Variants in DPP6 observed in about 807,000 individuals in gnomAD.
DPP6 encodes A-type potassium channel modulatory protein DPP6.
Under a neutral mutation model 122.6 loss-of-function variants are expected in DPP6, and 69 were observed. That is an observed-to-expected ratio of 0.56 (90% CI 0.46 to 0.69). The LOEUF (loss-of-function observed/expected upper bound fraction) is 0.69, where lower values mean the gene tolerates loss of function less well. DPP6 is among the 30% of genes least tolerant of loss of function. The pLI, the probability that DPP6 is intolerant of heterozygous loss-of-function variation, is 0.00. For missense variants in DPP6, 928 were observed against 1,116.9 expected, an observed-to-expected ratio of 0.83 and a Z score of 2.41; for synonymous variants, 418 against 433.1, an observed-to-expected ratio of 0.97 and a Z score of 0.43.
chr7:154,832,299 G>A (rs918850195), intron 16 of DPP6, among the ~76,000 whole-genome samples: 2 of 152,164 alleles, frequency 1.3e-5, no homozygotes, highest in Admixed American at 1.3e-4. Context: ...ATGCTCTGGG[G>A]CCTGGAGGAC....
chr7:154,334,020 C>T (rs931034758), intron 1 of DPP6, among the ~76,000 whole-genome samples: 2 of 152,062 alleles, frequency 1.3e-5, no homozygotes, highest in East Asian at 3.8e-4. Flanking sequence ...AGTATAAATA[C>T]AAAATAATTT....
chr7:154,680,694 T>TAA (rs111811314), intron 7 of DPP6, among the ~76,000 whole-genome samples: 31,038 of 149,406 alleles, frequency 0.21, 3,860 homozygotes, highest in Non-Finnish European at 0.28. Flanking sequence ...ATATTTTTTT[T>TAA]AAAAAAAAAT....
chr7:154,232,387 T>C (rs1290655018), intron 1 of DPP6, among the ~76,000 whole-genome samples: 2 of 152,158 alleles, frequency 1.3e-5, no homozygotes, highest in African/African-American at 4.8e-5. Flanking sequence ...CATCTACTGA[T>C]AGCAAAATCC....
chr7:154,881,357 G>T (rs904775431), intron 21 of DPP6, among the ~76,000 whole-genome samples: 1 of 152,158 alleles, frequency 6.6e-6, no homozygotes, highest in Non-Finnish European at 1.5e-5. Context: ...GGGGAGGGTC[G>T]CGCAGTGAAC....
the DPP6 span, among the ~76,000 whole-genome samples, chr7:153,811,324 T>C: frequency 1.3e-5 from 2 of 152,156 alleles, no homozygotes; most frequent in African/African-American, 4.8e-5. Flanking sequence ...AAAATACAAG[T>C]TGCTCTGGAA....
intron 8 of DPP6, among the ~76,000 whole-genome samples, chr7:154,748,096 C>T (rs1843120817): frequency 6.6e-6 from 1 of 152,326 alleles, no homozygotes; most frequent in South Asian, 2.1e-4. Flanking sequence ...CACCTGAACT[C>T]CTCCCGCTTC....
intron 5 of DPP6, among the ~76,000 whole-genome samples, chr7:154,572,248 A>G (rs1327197650): frequency 2.0e-5 from 3 of 152,186 alleles, no homozygotes; most frequent in Non-Finnish European, 4.4e-5. Flanking sequence ...AAGCTTGAAG[A>G]ACACCCTGAT....
At chr7:154,342,248 C>T (rs531835204) in intron 1 of DPP6, among the ~76,000 whole-genome samples, 15 of 152,236 alleles carry the variant, frequency 9.9e-5, no homozygotes, top group African/African-American at 3.4e-4. Context: ...GATATCTGAT[C>T]GTGTGGGCAC....
At position 154,235,856 on chromosome 7, in the gene DPP6, T is replaced by TTA. The variant is rs138341832; in HGVS notation, c.243+182795_243+182796dup. Reference sequence around the variant, plus strand: ...CTCAGTTTTCTTATCTTTATTTTATTTATTTATTTATTTTGAGACAAAGTC... The same window carrying TTA: ...CTCAGTTTTCTTATCTTTATTTTATTTATATTTATTTATTTTGAGACAAAGTC... On this transcript the variant is annotated intron_variant, in intron 1 of 25. Coordinates refer to ENST00000377770, the MANE Select transcript of DPP6 (RefSeq NM_130797.4). Among the ~76,000 whole-genome samples, 1,123 of 152,278 alleles carry TTA rather than the reference T, an allele frequency of 7.4e-3. 16 individuals are homozygous for TTA. Among genetic ancestry groups the TTA allele is most frequent in the African/African-American group, 0.026 (1,061 of 41,544 alleles).
At chr7:153,760,457 G>T in the DPP6 span, among the ~76,000 whole-genome samples, 1 of 152,112 alleles carries the variant, frequency 6.6e-6, no homozygotes, top group Non-Finnish European at 1.5e-5. Flanking sequence ...TTGATTGGAT[G>T]CCAGATATTG....
chr7:154,523,718 T>G (rs1827182274), intron 3 of DPP6, among the ~76,000 whole-genome samples: 1 of 152,206 alleles, frequency 6.6e-6, no homozygotes, highest in Non-Finnish European at 1.5e-5. Flanking sequence ...AGTTGTATTG[T>G]AGGCCCTCCT....
At chr7:153,907,728 G>A (rs1799907858) in intron 1 of DPP6, among the ~76,000 whole-genome samples, 1 of 152,216 alleles carries the variant, frequency 6.6e-6, no homozygotes, top group Non-Finnish European at 1.5e-5. Context: ...GACTTGAACT[G>A]CAGCATTGAC....
At position 154,715,581 on chromosome 7, in the gene DPP6, C is replaced by T. The variant is rs1159314400; in HGVS notation, c.763-12186C>T. Among the ~76,000 whole-genome samples, 10 of 152,256 alleles carry T rather than the reference C, an allele frequency of 6.6e-5. No individual in the cohort carries two copies. In the East Asian group the frequency reaches 1.9e-3, roughly 29 times the overall value. On this transcript the variant is annotated intron_variant, in intron 7 of 25. Transcript: ENST00000377770. ...TGAGACAATTTTCGACTGCAGTAGCCCAAATGGTACCCTGCAGCCGTCAAA... is the reference window on the plus strand; with the variant it reads ...TGAGACAATTTTCGACTGCAGTAGCTCAAATGGTACCCTGCAGCCGTCAAA...
At chr7:154,670,005 G>A (rs35955282) in intron 7 of DPP6, among the ~76,000 whole-genome samples, 40,694 of 152,004 alleles carry the variant, frequency 0.27, 5,818 homozygotes, top group African/African-American at 0.29. Context: ...GATCACAGGC[G>A]TACTCCACCA....
the DPP6 span, among the ~76,000 whole-genome samples, chr7:153,807,407 T>TCAAA: frequency 1.1e-3 from 160 of 148,670 alleles, no homozygotes; most frequent in Non-Finnish European, 1.9e-3. Context: ...AGACTCCATC[T>TCAAA]CAAACAAACA....
In DPP6 at chr7:154,880,723, A is replaced by C. The variant is rs1207165704; in HGVS notation, c.2079-165A>C. On this transcript the variant is annotated intron_variant, in intron 20 of 25. Transcript: ENST00000377770. ...CGTGAACATGCTGACTTGGCACTAA[A>C]TAAATAAAAGCAATAAATAATTATA... 2.6e-5 allele frequency among the ~76,000 whole-genome samples: 4 copies of C among 152,236 alleles called. No individual in the cohort carries two copies. In the East Asian group the frequency reaches 7.7e-4, roughly 29 times the overall value.
chr7:154,480,111 T>C (rs1291710112), intron 3 of DPP6, among the ~76,000 whole-genome samples: 2 of 147,248 alleles, frequency 1.4e-5, no homozygotes, highest in Admixed American at 1.3e-4. Context: ...TGAGGAATCA[T>C]TACAGCAGGC....
intron 1 of DPP6, among the ~76,000 whole-genome samples, chr7:153,983,037 G>A (rs1489152697): frequency 6.6e-6 from 1 of 152,240 alleles, no homozygotes; most frequent in Non-Finnish European, 1.5e-5. Flanking sequence ...GGACCCACTT[G>A]ATGAGGCAGT....
chr7:153,794,447 T>G, the DPP6 span, among the ~76,000 whole-genome samples: 2 of 152,164 alleles, frequency 1.3e-5, no homozygotes, highest in Non-Finnish European at 2.9e-5. Context: ...TTTCTCCCAT[T>G]TGGAACAGCT....
Sources: gnomAD v4.1 joint callset for allele counts (sites outside exome capture counted in the v4.1 genomes callset) on GRCh38, gnomAD v4.1.1 for gene constraint, MANE v1.5 for transcripts, NCBI Gene and HGNC (gene_info 2026-07-23, HGNC 2026-07-21) for gene names.